CDH6: variants seen among roughly 807,000 people sequenced by gnomAD.
CDH6 encodes the protein cadherin-6.
CDH6 carries 31 observed loss-of-function variants against 78.0 expected under a neutral mutation model. The observed-to-expected ratio is 0.40, with a 90% confidence interval of 0.30 to 0.54. The LOEUF is 0.54. Ranked by LOEUF, CDH6 falls within the 20% of genes least tolerant of loss-of-function variation. CDH6 has a pLI of 0.56. For synonymous variants in CDH6, 376 were observed against 368.8 expected (o/e 1.02, Z -0.23); for missense variants, 724 against 975.9 (o/e 0.74, Z 3.44).
At chr5:31,283,377 G>C (rs1742916392) in intron 2 of CDH6, among the ~76,000 whole-genome samples, 1 of 152,192 alleles carries the variant, frequency 6.6e-6, no homozygotes, top group Admixed American at 6.5e-5. Flanking sequence ...GTGGTTAATA[G>C]AGTAGGCCAC....
At chr5:31,259,784 G>A (rs914878666) in intron 1 of CDH6, among the ~76,000 whole-genome samples, 42 of 152,202 alleles carry the variant, frequency 2.8e-4, no homozygotes, top group South Asian at 2.1e-4. Context: ...AGCCAGGCAA[G>A]GTGCTTAAAG....
At chr5:31,252,030 C>G (rs1186454033) in intron 1 of CDH6, among the ~76,000 whole-genome samples, 1 of 152,100 alleles carries the variant, frequency 6.6e-6, no homozygotes, top group Non-Finnish European at 1.5e-5. Context: ...AATTCTGGGA[C>G]AAAAATTGGA....
chr5:31,298,380 A>G (rs1209622663), intron 4 of CDH6, among the ~76,000 whole-genome samples: 1 of 152,174 alleles, frequency 6.6e-6, no homozygotes, highest in Non-Finnish European at 1.5e-5. Flanking sequence ...GGAGAAAGAA[A>G]ATGTTGAGTT....
chr5:31,277,306 T>G (rs1035447728), intron 2 of CDH6, among the ~76,000 whole-genome samples: 1 of 152,210 alleles, frequency 6.6e-6, no homozygotes, highest in African/African-American at 2.4e-5. Flanking sequence ...TTATTTCAAT[T>G]GCCATGAATG....
intron 2 of CDH6, among the ~76,000 whole-genome samples, chr5:31,288,429 C>T (rs140150578): frequency 1.3e-5 from 2 of 152,274 alleles, no homozygotes; most frequent in East Asian, 3.9e-4. Flanking sequence ...CTAATCCCTG[C>T]CATGTACTTC....
chr5:31,322,692 A>T, intron 11 of CDH6, 126 bp from the exon 12 acceptor site: 2 of 1,117,188 alleles, frequency 1.8e-6, no homozygotes, highest in Non-Finnish European at 2.5e-6. Context: ...TAAAGAAATA[A>T]AAGTTGAGTC....
At chr5:31,302,330 G>T in intron 6 of CDH6, 32 bp downstream of exon 6, 1 of 1,514,554 alleles carries the variant, frequency 6.6e-7, no homozygotes, top group South Asian at 1.2e-5. Context: ...CATACAGAGT[G>T]AACCCATTTA....
chr5:31,241,601 G>T (rs185355285), intron 1 of CDH6, among the ~76,000 whole-genome samples: 1 of 152,240 alleles, frequency 6.6e-6, no homozygotes, highest in Non-Finnish European at 1.5e-5. Context: ...TCCTTGGTCA[G>T]ATGATGATGA....
intron 1 of CDH6, among the ~76,000 whole-genome samples, chr5:31,214,782 G>A (rs140751459): frequency 3.3e-5 from 5 of 152,190 alleles, no homozygotes; most frequent in East Asian, 1.9e-4. Context: ...CATTCATCTC[G>A]CTACTTTCAA....
rs1431154310 is a variant in CDH6, at chr5:31,327,734, C to G, written c.*4426C>G. 4.8e-6 allele frequency: 1 copy of G among 206,478 alleles called. No homozygotes were observed. Among genetic ancestry groups the G allele is most frequent in the East Asian group, 7.4e-5 (1 of 13,554 alleles). 12.8% of individuals were successfully genotyped at this position (206,478 alleles called of 1,614,324 possible). A position where few individuals can be genotyped will look rare whatever the true frequency, so the allele number is the denominator to read the frequency against. On this transcript the variant is annotated 3_prime_UTR_variant, in exon 12 of 12. Coordinates refer to ENST00000265071, the MANE Select transcript of CDH6 (RefSeq NM_004932.4). Reference sequence around the variant, plus strand: ...TATGGTCACAGCATTTTTAATCTCCCTATGGCATCTTTATGGAATAATTTT... The same window carrying G: ...TATGGTCACAGCATTTTTAATCTCCGTATGGCATCTTTATGGAATAATTTT...
At chr5:31,260,661 T>C (rs1742189130) in intron 1 of CDH6, among the ~76,000 whole-genome samples, 1 of 152,222 alleles carries the variant, frequency 6.6e-6, no homozygotes, top group Non-Finnish European at 1.5e-5. Context: ...GATTGGCCTA[T>C]TATCCACAAA....
intron 2 of CDH6, among the ~76,000 whole-genome samples, chr5:31,284,232 C>G (rs1327556095): frequency 6.6e-6 from 1 of 152,220 alleles, no homozygotes; most frequent in Non-Finnish European, 1.5e-5. Flanking sequence ...TTGCAGCATG[C>G]TCTGGCATGT....
At chr5:31,316,384 C>T (rs539431143) in intron 9 of CDH6, 55 bp downstream of exon 9, 11 of 1,474,172 alleles carry the variant, frequency 7.5e-6, no homozygotes, top group Admixed American at 1.9e-5. Flanking sequence ...TTTAGATCTT[C>T]TTATCATTCA....
intron 1 of CDH6, among the ~76,000 whole-genome samples, chr5:31,229,095 A>C (rs1242468297): frequency 6.6e-6 from 1 of 152,176 alleles, no homozygotes; most frequent in Non-Finnish European, 1.5e-5. Context: ...TGCCATTTCC[A>C]AGGGTACCAA....
At chr5:31,289,493 T>C (rs908379813) in intron 2 of CDH6, among the ~76,000 whole-genome samples, 1 of 152,212 alleles carries the variant, frequency 6.6e-6, no homozygotes, top group Non-Finnish European at 1.5e-5. Context: ...TACAGAATGA[T>C]CTACTGAATT....
Position 31,313,305 on chromosome 5 carries a change from T to C in CDH6, c.1254-13T>C, listed in dbSNP as rs1738206492. On this transcript the variant is annotated splice_polypyrimidine_tract_variant and intron_variant, in intron 7 of 11. Coordinates refer to ENST00000265071, the MANE Select transcript of CDH6 (RefSeq NM_004932.4). ...AAAGAAAAGCCTTTCTTAATTCCAC[T>C]CTGCATTTTCAGGTACTCTGTAGAT... 6.2e-7 allele frequency: 1 copy of C among 1,606,124 alleles called. No homozygotes were observed. The highest frequency in any genetic ancestry group is 8.5e-7 in the Non-Finnish European group (1 of 1,173,630).
intron 1 of CDH6, among the ~76,000 whole-genome samples, chr5:31,201,060 T>C (rs1579806572): frequency 6.6e-6 from 1 of 152,174 alleles, no homozygotes. Flanking sequence ...TGATTTCTAG[T>C]TGTTGAATGT....
intron 1 of CDH6, among the ~76,000 whole-genome samples, chr5:31,226,673 C>A (rs1184712083): frequency 1.3e-5 from 2 of 152,160 alleles, no homozygotes; most frequent in Non-Finnish European, 2.9e-5. Context: ...AGGGTCCCCA[C>A]CTCCTTCCTA....
intron 11 of CDH6, 61 bp from the exon 12 acceptor site, chr5:31,322,757 G>C: frequency 6.5e-7 from 1 of 1,541,796 alleles, no homozygotes; most frequent in Non-Finnish European, 8.7e-7. Flanking sequence ...GTTTCTTCCT[G>C]ACATTAATTG....
Sources: allele counts gnomAD v4.1 joint callset (sites outside exome capture counted in the v4.1 genomes callset), GRCh38; gene constraint gnomAD v4.1.1; transcripts MANE v1.5; gene names NCBI Gene and HGNC (gene_info 2026-07-23, HGNC 2026-07-21).